The following ILDR2 variants were observed in gnomAD, a reference collection of about 807,000 sequenced individuals.
ILDR2 encodes the protein immunoglobulin-like domain-containing receptor 2.
Under a neutral mutation model 66.8 loss-of-function variants are expected in ILDR2, and 25 were observed. The ratio of observed to expected loss-of-function variants is 0.37; its 90% confidence interval spans 0.27 to 0.52. The LOEUF (loss-of-function observed/expected upper bound fraction) is 0.52. Among genes scored for constraint, ILDR2 ranks in the 20% least tolerant of loss-of-function variants. The pLI is 0.88. For missense variants in ILDR2, 827 were observed against 876.8 expected (o/e 0.94, Z 0.72); for synonymous variants, 367 against 357.2 (o/e 1.03, Z -0.31).
chr1:166,919,065 T>G lies in ILDR2; in HGVS notation c.*290A>C. 1 of 472,006 alleles carries G rather than the reference T, an allele frequency of 2.1e-6. No individual in the cohort carries two copies. The highest frequency in any genetic ancestry group is 3.7e-6 in the Non-Finnish European group (1 of 267,272). 29.2% of individuals were successfully genotyped at this position (472,006 alleles called of 1,614,324 possible). The stretch of plus-strand genomic sequence containing the variant: ...ATTGCAAATGGAGTCCTGGTTCTGT[T>G]AAGGGAGGAGGCTGGGCAGGATAAA... On this transcript the variant is annotated 3_prime_UTR_variant, in exon 10 of 10. Transcript: ENST00000271417.
intron 2 of ILDR2, among the ~76,000 whole-genome samples, chr1:166,901,344 T>G (rs976616146): frequency 2.0e-5 from 3 of 152,138 alleles, no homozygotes; most frequent in Non-Finnish European, 2.9e-5. Context: ...TTACAAACAT[T>G]AACTAAGAAC....
At chr1:166,948,968 C>CTCA (rs1469764538) in intron 3 of ILDR2, among the ~76,000 whole-genome samples, 3 of 152,230 alleles carry the variant, frequency 2.0e-5, no homozygotes, top group Admixed American at 2.0e-4. Context: ...GAAACCCATG[C>CTCA]TCATAGACGT....
intron 3 of ILDR2, among the ~76,000 whole-genome samples, chr1:166,952,714 A>G (rs893792989): frequency 2.0e-5 from 3 of 152,180 alleles, no homozygotes; most frequent in Non-Finnish European, 2.9e-5. Context: ...TGAAATACTG[A>G]AGCAAACCTG....
At position 166,920,742 on chromosome 1, in the gene ILDR2, C is replaced by G. The variant is rs1659870442; in HGVS notation, c.1849G>C (p.Glu617Gln). ...GRDLPYHSNS[E>Q]KKRKKEPAKK... ...GCGGGCTCCTTTTTCCTCTTCTTCT[C>G]CGAGTTGCTGTGGTAGGGCAGGTCG... is the stretch of plus-strand genomic sequence containing the variant. Residue 617 changes from glutamate (E) to glutamine (Q), a missense_variant, in exon 9 of 10, where the codon GAG (glutamate) becomes CAG (glutamine). By Grantham distance (29) the Glu-to-Gln change is conservative (BLOSUM62 2). This residue lies in a region of ILDR2 where 390 missense variants were observed against 353.6 expected (regional missense o/e 1.10). Transcript: ENST00000271417. 3.4e-6 allele frequency: 5 copies of G among 1,454,932 alleles called. No homozygotes were observed. The highest frequency in any genetic ancestry group is 1.4e-5 in the South Asian group (1 of 69,928). 90.1% of individuals were successfully genotyped at this position (1,454,932 alleles called of 1,614,324 possible). A position where few individuals can be genotyped will look rare whatever the true frequency, so the allele number is the denominator to read the frequency against.
intron 4 of ILDR2, among the ~76,000 whole-genome samples, chr1:166,939,250 T>C (rs545383194): frequency 5.4e-4 from 82 of 152,230 alleles, no homozygotes; most frequent in African/African-American, 1.8e-3. Context: ...GGCATGGAGA[T>C]TGCCAAAGAG....
Position 166,919,385 on chromosome 1 carries a change from G to C in ILDR2, c.1890C>G (p.Asp630Glu). 1 of 1,609,416 alleles carries C rather than the reference G, an allele frequency of 6.2e-7. No homozygotes were observed. The highest frequency in any genetic ancestry group is 8.5e-7 in the Non-Finnish European group (1 of 1,176,380). Residue 630 changes from aspartate to glutamate, a missense_variant, in exon 10 of 10, where the codon GAC becomes GAG. By Grantham distance (45) the Asp-to-Glu change is conservative (BLOSUM62 2). This residue lies in a region of ILDR2 where 390 missense variants were observed against 353.6 expected (regional missense o/e 1.10). Coordinates refer to ENST00000271417, the MANE Select transcript of ILDR2 (RefSeq NM_199351.3). ...RKKEPAKKTN[D>E]FPTRMSLVV The stretch of plus-strand genomic sequence containing the variant: ...CCACAAGGGACATCCTGGTTGGAAA[G>C]TCATTCTAGGAAAGAGCAGAAAGAG...
intron 1 of ILDR2, among the ~76,000 whole-genome samples, chr1:166,974,575 G>C (rs367893511): frequency 6.6e-6 from 1 of 152,124 alleles, no homozygotes; most frequent in East Asian, 1.9e-4. Context: ...TATTAGAAAG[G>C]CTCTTCTGCT....
intron 3 of ILDR2, among the ~76,000 whole-genome samples, chr1:166,954,868 A>G (rs1662181951): frequency 6.6e-6 from 1 of 152,100 alleles, no homozygotes; most frequent in African/African-American, 2.4e-5. Flanking sequence ...CTTTCACTCT[A>G]TTTATTTCCC....
At position 166,918,993 on chromosome 1, in the gene ILDR2, T is replaced by C. The variant is rs1268985931; in HGVS notation, c.*362A>G. 3 of 404,316 alleles carry C rather than the reference T, an allele frequency of 7.4e-6. No individual in the cohort carries two copies. The highest frequency in any genetic ancestry group is 4.1e-5 in the Admixed American group (1 of 24,496). 25.0% of individuals were successfully genotyped at this position (404,316 alleles called of 1,614,324 possible). A position where few individuals can be genotyped will look rare whatever the true frequency, so the allele number is the denominator to read the frequency against. ...GGTATAGAAAAGCATATTGTAGGCA[T>C]AGGCAATTTCTGGAGTTTAGCAGTC... On this transcript the variant is annotated 3_prime_UTR_variant, in exon 10 of 10. Coordinates refer to ENST00000271417, the MANE Select transcript of ILDR2 (RefSeq NM_199351.3).
At chr1:166,927,265 T>C in intron 6 of ILDR2, 85 bp from the exon 7 acceptor site, 3 of 820,476 alleles carry the variant, frequency 3.7e-6, no homozygotes, top group Non-Finnish European at 4.0e-6. Context: ...AAGTAGAAAA[T>C]AGGGTTTCCA....
chr1:166,962,797 C>G (rs1334403556), intron 1 of ILDR2, among the ~76,000 whole-genome samples: 2 of 152,210 alleles, frequency 1.3e-5, no homozygotes, highest in Admixed American at 1.3e-4. Flanking sequence ...GGAGTCTATA[C>G]AGGCTAATAA....
In ILDR2 at chr1:166,975,219, T is replaced by C. The variant is rs368256836; in HGVS notation, c.46+4A>G. On this transcript the variant is annotated splice_donor_region_variant and intron_variant, in intron 1 of 9. Coordinates refer to ENST00000271417, the MANE Select transcript of ILDR2 (RefSeq NM_199351.3). ...TATTCGTTTCTGTTGAAAAGGACTC[T>C]TACCTGTTAGCCAGAAGAGAGAAAT... 19 of 1,610,162 alleles carry C rather than the reference T, an allele frequency of 1.2e-5. No individual in the cohort carries two copies. The African/African-American group carries it at 1.7e-4, about 15-fold the overall frequency.
Position 166,939,496 on chromosome 1 carries a change from A to G in ILDR2, c.556+18T>C. 6.2e-7 allele frequency: 1 copy of G among 1,606,388 alleles called. No individual in the cohort carries two copies. The highest frequency in any genetic ancestry group is 1.1e-5 in the South Asian group (1 of 90,858). Reference sequence around the variant, plus strand: ...ATAACAGCAAATCAAGCAAATAAAGAGTTAAATGACCGAATACCTGGCATA... The same window carrying G: ...ATAACAGCAAATCAAGCAAATAAAGGGTTAAATGACCGAATACCTGGCATA... On this transcript the variant is annotated intron_variant, in intron 4 of 9. Transcript: ENST00000271417.
rs1260382900 is a variant in ILDR2, at chr1:166,921,093, C to T, written c.1498G>A (p.Ala500Thr). The change falls in exon 9 of 10, where the codon GCG (alanine) becomes ACG (threonine). Residue 500 changes from alanine (A) to threonine (T), a missense_variant. Ala to Thr is a moderately conservative substitution (Grantham distance 58, BLOSUM62 0). Transcript: ENST00000271417. This position sits in a 1 kb window ranked among gnomAD's most constrained non-coding sequence, Gnocchi z 5.3. ...DADRGWAFSP[A>T]RRRPAEDAHL... ...GCGTCCTCGGCGGGTCTGCGGCGCG[C>T]GGGGCTGAAGGCCCAGCCGCGGTCA... 10 of 1,494,198 alleles carry T rather than the reference C, an allele frequency of 6.7e-6. No individual in the cohort carries two copies. The highest frequency in any genetic ancestry group is 5.1e-5 in the South Asian group (4 of 78,002). The allele number at this position is 1,494,198 out of a possible 1,614,324, so 92.6% of individuals were successfully genotyped here.
chr1:166,949,378 T>C (rs1403023259), intron 3 of ILDR2, among the ~76,000 whole-genome samples: 1 of 152,266 alleles, frequency 6.6e-6, no homozygotes, highest in African/African-American at 2.4e-5. Flanking sequence ...TTCAGAAATA[T>C]ATCTTTTATC....
chr1:166,950,726 T>TACACACACACACAC (rs57212569), intron 3 of ILDR2, among the ~76,000 whole-genome samples: 30 of 146,714 alleles, frequency 2.0e-4, no homozygotes, highest in African/African-American at 6.5e-4. Flanking sequence ...TGATCTAAAA[T>TACACACACACACAC]ACACACACAC....
Position 166,975,019 on chromosome 1 carries a change from T to TTC in ILDR2, c.46+202_46+203dup, listed in dbSNP as rs59211434. Among the ~76,000 whole-genome samples the TTC allele has an allele frequency of 7.4e-4, 101 of 136,422 alleles. 4 individuals carry two copies. In the South Asian group the frequency reaches 0.022, roughly 30 times the overall value. The allele number at this position is 136,422 out of a possible 152,430, so 89.5% of individuals were successfully genotyped here. Reference sequence around the variant, plus strand: ...GGCTTCTCCCCCGCCGCCCCCATCATTCTCTCTCTCTCTCTCTCACACACA... The same window carrying TTC: ...GGCTTCTCCCCCGCCGCCCCCATCATTCTCTCTCTCTCTCTCTCTCACACACA... On this transcript the variant is annotated intron_variant, in intron 1 of 9. Coordinates refer to ENST00000271417, the MANE Select transcript of ILDR2 (RefSeq NM_199351.3).
At chr1:166,924,813 G>C (rs187634191) in intron 7 of ILDR2, among the ~76,000 whole-genome samples, 382 of 152,236 alleles carry the variant, frequency 2.5e-3, no homozygotes, top group African/African-American at 8.9e-3. Context: ...CCAGGAGTTT[G>C]AGACCAGCCT....
At chr1:166,964,319 G>C (rs755477700) in intron 1 of ILDR2, among the ~76,000 whole-genome samples, 4 of 151,870 alleles carry the variant, frequency 2.6e-5, no homozygotes, top group African/African-American at 9.7e-5. Flanking sequence ...ATTTTAATTC[G>C]ACCAAAAATG....
Sources: gnomAD v4.1 joint callset for allele counts (sites outside exome capture counted in the v4.1 genomes callset) on GRCh38, gnomAD v4.1.1 for gene constraint, gnomAD v4.1.1 regional missense constraint, Gnocchi (gnomAD v3.1) non-coding constraint, MANE v1.5 for transcripts, NCBI Gene and HGNC (gene_info 2026-07-23, HGNC 2026-07-21) for gene names.